CTNNA3: variants seen among roughly 807,000 people sequenced by gnomAD.
The protein encoded by CTNNA3 is catenin alpha-3.
CTNNA3 carries 76 observed loss-of-function variants against 95.7 expected under a neutral mutation model. That is an observed-to-expected ratio of 0.79 (90% CI 0.66 to 0.96). The LOEUF (loss-of-function observed/expected upper bound fraction) is 0.96. Ranked by LOEUF, CTNNA3 falls within the 40% of genes least tolerant of loss-of-function variation. The pLI is 0.00. For synonymous variants in CTNNA3, 431 were observed against 374.4 expected, an observed-to-expected ratio of 1.15 and a Z score of -1.74; for missense variants, 1,191 against 1,089.8, an observed-to-expected ratio of 1.09 and a Z score of -1.31.
chr10:66,580,428 C>A (rs1843147296), intron 10 of CTNNA3, among the ~76,000 whole-genome samples: 1 of 151,672 alleles, frequency 6.6e-6, no homozygotes, highest in Non-Finnish European at 1.5e-5. Context: ...GGGAACATTC[C>A]AAATCTTCTC....
chr10:66,089,624 T>C (rs563505412), intron 14 of CTNNA3, among the ~76,000 whole-genome samples: 1 of 152,050 alleles, frequency 6.6e-6, no homozygotes, highest in East Asian at 1.9e-4. Context: ...TATATTTTAA[T>C]AGAACAGACC....
intron 7 of CTNNA3, among the ~76,000 whole-genome samples, chr10:67,066,397 TG>T (rs1490422854): frequency 1.3e-5 from 2 of 152,044 alleles, no homozygotes; most frequent in Non-Finnish European, 2.9e-5. Flanking sequence ...TGCACCATGT[TG>T]GCCAGGATGA....
chr10:67,486,132 C>T (rs1258826898), intron 5 of CTNNA3, among the ~76,000 whole-genome samples: 1 of 152,198 alleles, frequency 6.6e-6, no homozygotes, highest in African/African-American at 2.4e-5. Context: ...CAGAAGGAGT[C>T]TTGTTCACAC....
chr10:65,940,196 C>T lies in CTNNA3; in HGVS notation c.2401-19579G>A, dbSNP rs138553504. Among the ~76,000 whole-genome samples the T allele has an allele frequency of 8.8e-3, 1,335 of 152,294 alleles. 5 individuals are homozygous for T. Among genetic ancestry groups the T allele is most frequent in the Non-Finnish European group, 0.013 (918 of 68,012 alleles). On this transcript the variant is annotated intron_variant, in intron 17 of 17. Transcript: ENST00000433211. ...GTTGCAAAAATCCACATGATCTGTA[C>T]TCTTCAATGTGGAATGTACTTACCT... is the stretch of plus-strand genomic sequence containing the variant.
intron 7 of CTNNA3, among the ~76,000 whole-genome samples, chr10:67,123,146 C>T (rs1859548476): frequency 6.6e-6 from 1 of 152,078 alleles, no homozygotes; most frequent in African/African-American, 2.4e-5. Context: ...AGTGAATGAG[C>T]ACCATGCATT....
chr10:67,556,866 T>C (rs1589421816), intron 3 of CTNNA3, among the ~76,000 whole-genome samples: 1 of 152,344 alleles, frequency 6.6e-6, no homozygotes, highest in African/African-American at 2.4e-5. Flanking sequence ...ATTTTGGATC[T>C]TTCCTGCTTT....
intron 5 of CTNNA3, among the ~76,000 whole-genome samples, chr10:67,503,292 C>G (rs180724822): frequency 6.6e-6 from 1 of 152,310 alleles, no homozygotes; most frequent in African/African-American, 2.4e-5. Flanking sequence ...CCTCTGTGGG[C>G]TGCACTCACT....
At chr10:66,793,132 G>A (rs775589258) in intron 7 of CTNNA3, among the ~76,000 whole-genome samples, 1 of 151,878 alleles carries the variant, frequency 6.6e-6, no homozygotes, top group Middle Eastern at 3.2e-3. Context: ...GGGGGAGTAG[G>A]TTTTTGTTTC....
At chr10:67,476,960 G>A (rs1376054179) in intron 5 of CTNNA3, among the ~76,000 whole-genome samples, 1 of 151,716 alleles carries the variant, frequency 6.6e-6, no homozygotes, top group Non-Finnish European at 1.5e-5. Flanking sequence ...CAGCCTTGCT[G>A]TGCAGAGATT....
chr10:66,598,330 T>G, intron 10 of CTNNA3, among the ~76,000 whole-genome samples: 1 of 151,972 alleles, frequency 6.6e-6, no homozygotes, highest in Non-Finnish European at 1.5e-5. Context: ...ATTTGAAAGC[T>G]TTTACTCTAA....
intron 7 of CTNNA3, among the ~76,000 whole-genome samples, chr10:66,822,822 G>A (rs1025760812): frequency 6.6e-6 from 1 of 152,158 alleles, no homozygotes; most frequent in Non-Finnish European, 1.5e-5. Context: ...ACTTTGGCTG[G>A]GCAGAGCAGG....
chr10:67,499,729 T>C (rs1034272956), intron 5 of CTNNA3, among the ~76,000 whole-genome samples: 6 of 152,228 alleles, frequency 3.9e-5, no homozygotes, highest in Non-Finnish European at 5.9e-5. Context: ...TAGAGGGGTT[T>C]ATAGTATTCT....
At chr10:67,085,513 T>C (rs904392013) in intron 7 of CTNNA3, among the ~76,000 whole-genome samples, 2 of 151,974 alleles carry the variant, frequency 1.3e-5, no homozygotes, top group Non-Finnish European at 2.9e-5. Flanking sequence ...TCATATAATC[T>C]ATGTGTGCTC....
At chr10:66,824,878 A>C (rs955122711) in intron 7 of CTNNA3, among the ~76,000 whole-genome samples, 1 of 152,100 alleles carries the variant, frequency 6.6e-6, no homozygotes, top group African/African-American at 2.4e-5. Context: ...AGAAAATCCA[A>C]ATGAAGTGTG....
intron 12 of CTNNA3, among the ~76,000 whole-genome samples, chr10:66,360,707 TCCTC>T (rs2092656390): frequency 8.1e-5 from 8 of 99,338 alleles, no homozygotes; most frequent in Non-Finnish European, 1.3e-4. Flanking sequence ...TTTCTTTCTT[TCCTC>T]CTTCCTTTCT....
chr10:66,053,334 T>G (rs1462362382), intron 15 of CTNNA3, among the ~76,000 whole-genome samples: 1 of 152,118 alleles, frequency 6.6e-6, no homozygotes, highest in Non-Finnish European at 1.5e-5. Context: ...ATTTTTACAT[T>G]TTTAATTTTA....
At chr10:66,309,685 C>CAAAAAAAAAAAAAAAA (rs60400266) in intron 12 of CTNNA3, among the ~76,000 whole-genome samples, 10 of 41,778 alleles carry the variant, frequency 2.4e-4, no homozygotes, top group Non-Finnish European at 3.8e-4. Context: ...GACTCCGTCT[C>CAAAAAAAAAAAAAAAA]AAAAAAAAAA....
At chr10:67,377,547 TA>T (rs1367493860) in intron 5 of CTNNA3, among the ~76,000 whole-genome samples, 9 of 152,352 alleles carry the variant, frequency 5.9e-5, no homozygotes. Flanking sequence ...AATTTGGGGA[TA>T]AATTGTTTTA....
chr10:67,153,314 T>C (rs1157966589), intron 7 of CTNNA3, among the ~76,000 whole-genome samples: 2 of 152,216 alleles, frequency 1.3e-5, no homozygotes, highest in Admixed American at 1.3e-4. Context: ...CATGAGTGTA[T>C]CCTCCAGAGA....
Sources: gnomAD v4.1 joint callset for allele counts (sites outside exome capture counted in the v4.1 genomes callset) on GRCh38, gnomAD v4.1.1 for gene constraint, MANE v1.5 for transcripts, NCBI Gene and HGNC (gene_info 2026-07-23, HGNC 2026-07-21) for gene names.